The following DSCAML1 variants were observed in gnomAD, a reference collection of about 807,000 sequenced individuals.
The protein encoded by DSCAML1 is DS cell adhesion molecule like 1.
In DSCAML1, 38 loss-of-function variants were observed where a neutral mutation model predicts 200.5. The ratio of observed to expected loss-of-function variants is 0.19; its 90% CI spans 0.15 to 0.25. The LOEUF (loss-of-function observed/expected upper bound fraction) is 0.25. DSCAML1 is among the 10% of genes least tolerant of loss of function. The pLI, the probability that DSCAML1 is intolerant of heterozygous loss-of-function variation, is 1.00. For synonymous variants in DSCAML1, 1,215 were observed against 1,165.0 expected (o/e 1.04, Z -0.87); for missense variants, 2,223 against 2,858.8 (o/e 0.78, Z 5.07).
intron 3 of DSCAML1, among the ~76,000 whole-genome samples, chr11:117,551,334 T>C (rs1293630902): frequency 6.6e-6 from 1 of 152,198 alleles, no homozygotes; most frequent in Non-Finnish European, 1.5e-5. Context: ...TCCTGAACTC[T>C]GGGCTTTTCC....
chr11:117,520,515 G>A (rs115196490), intron 6 of DSCAML1, among the ~76,000 whole-genome samples: 164 of 152,092 alleles, frequency 1.1e-3, no homozygotes, highest in African/African-American at 3.9e-3. Context: ...AGAGTATGAT[G>A]GTTAAGAGAC....
At position 117,460,838 on chromosome 11, in the gene DSCAML1, G is replaced by T. The variant is rs532428232; in HGVS notation, c.3412+612C>A. 2.6e-5 allele frequency among the ~76,000 whole-genome samples: 4 copies of T among 152,254 alleles called. No individual in the cohort carries two copies. In the East Asian group the frequency reaches 7.7e-4, roughly 29 times the overall value. On this transcript the variant is annotated intron_variant, in intron 18 of 32. Transcript: ENST00000651296. ...GCACAGAAAACACGCCTTGCTGCGT[G>T]CCTGGCTCCAGCTGGGTTTGGCCAA...
intron 32 of DSCAML1, among the ~76,000 whole-genome samples, chr11:117,429,578 T>C (rs577517331): frequency 2.6e-5 from 4 of 152,250 alleles, no homozygotes; most frequent in Non-Finnish European, 5.9e-5. Context: ...TTTGCCATGT[T>C]GGCCAGGCTG....
At chr11:117,547,491 C>T (rs935225561) in intron 3 of DSCAML1, among the ~76,000 whole-genome samples, 2 of 149,268 alleles carry the variant, frequency 1.3e-5, no homozygotes, top group South Asian at 4.2e-4. Context: ...ACACCCTACA[C>T]CGCCATTAGC....
intron 18 of DSCAML1, among the ~76,000 whole-genome samples, chr11:117,461,090 C>T (rs61407825): frequency 0.18 from 27,949 of 151,674 alleles, 4,333 homozygotes; most frequent in East Asian, 0.44. Flanking sequence ...AAAAGCCAAT[C>T]TGCCCCTATC....
At chr11:117,774,624 C>T (rs987209610) in intron 3 of DSCAML1, among the ~76,000 whole-genome samples, 2 of 152,158 alleles carry the variant, frequency 1.3e-5, no homozygotes, top group African/African-American at 4.8e-5. Context: ...ATGAAGCCAT[C>T]CCCACATCAA....
rs764866776 is a variant in DSCAML1 at position 117,465,156 on chromosome 11, A to C, written c.3051T>G (p.Gly1017=). ...AGCCAATCTGGTAGCCCCGGATGAC[A>C]CCGTTCTGCAGCTCCTTCTTGGGTG... ...WKAPKKELQN[G]VIRGYQIGYR... Residue 1017 remains glycine, a synonymous_variant, in exon 17 of 33, where the codon GGT becomes GGG. Coordinates refer to ENST00000651296, the MANE Select transcript of DSCAML1 (RefSeq NM_020693.4). 2 of 1,613,304 alleles carry C rather than the reference A, an allele frequency of 1.2e-6. No individual in the cohort carries two copies. The highest frequency in any genetic ancestry group is 1.7e-6 in the Non-Finnish European group (2 of 1,179,590).
rs769974413 is a variant in DSCAML1 at position 117,437,898 on chromosome 11, G to A, written c.4429C>T (p.Arg1477Trp). 1.6e-5 allele frequency: 26 copies of A among 1,592,830 alleles called. No homozygotes were observed. Among genetic ancestry groups the A allele is most frequent in the African/African-American group, 4.0e-5 (3 of 74,238 alleles). The change falls in exon 25 of 33, where the codon CGG (arginine) becomes TGG (tryptophan). Residue 1477 changes from arginine to tryptophan, a missense_variant. Physicochemically the swap from Arg to Trp is moderately radical, Grantham distance 101 (BLOSUM62 -3). Transcript: ENST00000651296. The surrounding 1 kb of genome is among the most constrained non-coding windows in gnomAD (Gnocchi z 5.3). The part of the protein sequence containing the change: ...SEIIEAKTHG[R>W]EPSFSKDQHL... Reference sequence around the variant, plus strand: ...GCCCCAGTGGCCTGGGCCTCACCCCGCCCGTGGGTCTTGGCCTCGATGATC... The same window carrying A: ...GCCCCAGTGGCCTGGGCCTCACCCCACCCGTGGGTCTTGGCCTCGATGATC...
intron 3 of DSCAML1, among the ~76,000 whole-genome samples, chr11:117,724,835 G>C (rs577139369): frequency 2.0e-5 from 3 of 152,272 alleles, no homozygotes; most frequent in South Asian, 4.1e-4. Flanking sequence ...AGGAAACAAG[G>C]AGCCTGGAAT....
At position 117,438,101 on chromosome 11, in the gene DSCAML1, G is replaced by A. The variant is rs772211982; in HGVS notation, c.4244-18C>T. On this transcript the variant is annotated intron_variant, in intron 24 of 32. Coordinates refer to ENST00000651296, the MANE Select transcript of DSCAML1 (RefSeq NM_020693.4). ...CACGAAGCCTGCGGAGGGTAGGCCT[G>A]ATTCAGGTGGGGGCAGGGCAGGGCA... 1.9e-6 allele frequency: 3 copies of A among 1,591,728 alleles called. No individual in the cohort carries two copies. In the Admixed American group the frequency reaches 5.1e-5, roughly 27 times the overall value.
intron 4 of DSCAML1, among the ~76,000 whole-genome samples, chr11:117,531,931 AGG>A (rs796907699): frequency 6.6e-5 from 4 of 60,988 alleles, no homozygotes; most frequent in African/African-American, 2.4e-4. Flanking sequence ...AAGGGAAGGG[AGG>A]AGGGAGGAGG....
intron 3 of DSCAML1, among the ~76,000 whole-genome samples, chr11:117,716,507 T>A (rs986096681): frequency 1.3e-5 from 2 of 152,152 alleles, no homozygotes; most frequent in African/African-American, 4.8e-5. Flanking sequence ...CCATGAGCGC[T>A]GCAAAACCAG....
chr11:117,630,349 A>G (rs1030746494), intron 3 of DSCAML1, among the ~76,000 whole-genome samples: 20 of 152,112 alleles, frequency 1.3e-4, no homozygotes, highest in African/African-American at 4.8e-4. Flanking sequence ...GGCCCAACAC[A>G]CACAACACAC....
rs114533062 is a variant in DSCAML1 at position 117,602,308 on chromosome 11, A to G, written c.512-69786T>C. On this transcript the variant is annotated intron_variant, in intron 3 of 32. Coordinates refer to ENST00000651296, the MANE Select transcript of DSCAML1 (RefSeq NM_020693.4). ...TGGAGTGGCCGGTTGTCTTGGCATG[A>G]GTGTGTGTTTCTGCCCTCCAGCTGC... 6.5e-3 allele frequency among the ~76,000 whole-genome samples: 982 copies of G among 152,230 alleles called. 9 individuals are homozygous for G. Among genetic ancestry groups the G allele is most frequent in the African/African-American group, 0.021 (874 of 41,520 alleles).
At chr11:117,703,023 C>G (rs1386686901) in intron 3 of DSCAML1, among the ~76,000 whole-genome samples, 1 of 152,170 alleles carries the variant, frequency 6.6e-6, no homozygotes, top group Non-Finnish European at 1.5e-5. Context: ...CTTGCAGTTT[C>G]TCTGAAAATG....
intron 3 of DSCAML1, among the ~76,000 whole-genome samples, chr11:117,629,775 G>A (rs972660045): frequency 6.6e-6 from 1 of 152,168 alleles, no homozygotes; most frequent in Non-Finnish European, 1.5e-5. Flanking sequence ...GGTGGAAGGA[G>A]TGTGTAAGGC....
chr11:117,552,544 G>T (rs1490951653), intron 3 of DSCAML1, among the ~76,000 whole-genome samples: 2 of 151,796 alleles, frequency 1.3e-5, no homozygotes, highest in African/African-American at 4.8e-5. Context: ...AATCTCTCTG[G>T]GCAATCATTT....
chr11:117,464,901 G>A, intron 17 of DSCAML1, 41 bp downstream of exon 17: 1 of 1,601,808 alleles, frequency 6.2e-7, no homozygotes, highest in Non-Finnish European at 8.5e-7. Flanking sequence ...CTCTGCCCAT[G>A]GCAGGAATCT....
chr11:117,579,286 C>T (rs930896121), intron 3 of DSCAML1, among the ~76,000 whole-genome samples: 2 of 152,238 alleles, frequency 1.3e-5, no homozygotes, highest in African/African-American at 2.4e-5. Context: ...CAAATTCAAA[C>T]TCTTTACGGT....
Sources: allele counts gnomAD v4.1 joint callset (sites outside exome capture counted in the v4.1 genomes callset), GRCh38; gene constraint gnomAD v4.1.1; non-coding constraint Gnocchi (gnomAD v3.1); transcripts MANE v1.5; gene names NCBI Gene and HGNC (gene_info 2026-07-23, HGNC 2026-07-21).